The following PLXNB1 variants were observed in gnomAD, a reference collection of about 807,000 sequenced individuals.
PLXNB1 encodes the protein plexin B1, also known as plexin-B1.
PLXNB1 carries 106 observed loss-of-function variants against 209.4 expected under a neutral mutation model. That is an observed-to-expected ratio of 0.51 (90% CI 0.43 to 0.59). The LOEUF (loss-of-function observed/expected upper bound fraction) is 0.59. Among genes scored for constraint, PLXNB1 ranks in the 20% least tolerant of loss-of-function variants. The pLI is 0.00. For synonymous variants in PLXNB1, 1,167 were observed against 1,183.2 expected, an observed-to-expected ratio of 0.99 and a Z score of 0.28; for missense variants, 2,357 against 2,853.2, an observed-to-expected ratio of 0.83 and a Z score of 3.96.
In PLXNB1 at chr3:48,416,312, G is replaced by A. The variant is rs770479072; in HGVS notation, c.3480+34C>T. 54 of 1,574,922 alleles carry A rather than the reference G, an allele frequency of 3.4e-5. No individual in the cohort carries two copies. Among genetic ancestry groups the A allele is most frequent in the Middle Eastern group, 1.7e-4 (1 of 6,000 alleles). ...GAGGAGCCACCAGAGAGGTTGGCCC[G>A]CTGGCAGCTGGGGGTGGCTCAGCAG... On this transcript the variant is annotated intron_variant, in intron 17 of 37. Transcript: ENST00000296440. The surrounding 1 kb of genome is among the most constrained non-coding windows in gnomAD (Gnocchi z 4.1).
chr3:48,411,252 C>G lies in PLXNB1; in HGVS notation c.5248-216G>C, dbSNP rs777782816. 6.6e-6 allele frequency among the ~76,000 whole-genome samples: 1 copy of G among 152,210 alleles called. No homozygotes were observed. The highest frequency in any genetic ancestry group is 6.5e-5 in the Admixed American group (1 of 15,284). On this transcript the variant is annotated intron_variant, in intron 28 of 37. Coordinates refer to ENST00000296440, the MANE Select transcript of PLXNB1 (RefSeq NM_001130082.3). This position sits in a 1 kb window ranked among gnomAD's most constrained non-coding sequence, Gnocchi z 4.0. ...CACCTAGCGCAGTGCACTTGTAAAC[C>G]ACTATGGGGTAAATGGCAGAAAAAA...
chr3:48,413,585 C>A lies in PLXNB1; in HGVS notation c.4535+85G>T. On this transcript the variant is annotated intron_variant, in intron 23 of 37. Transcript: ENST00000296440. This position sits in a 1 kb window ranked among gnomAD's most constrained non-coding sequence, Gnocchi z 5.4. ...CTCTGGCCATTTACAGAGAATGTTT[C>A]CTGACTCCTGGCCCGGTCTGTCCCT... 7.3e-7 allele frequency: 1 copy of A among 1,378,834 alleles called. No homozygotes were observed. The allele number at this position is 1,378,834 out of a possible 1,614,324, so 85.4% of individuals were successfully genotyped here.
Position 48,420,049 on chromosome 3 carries a change from G to A in PLXNB1, c.2237C>T (p.Ser746Phe). 1.2e-6 allele frequency: 2 copies of A among 1,612,362 alleles called. No individual in the cohort carries two copies. The highest frequency in any genetic ancestry group is 8.5e-7 in the Non-Finnish European group (1 of 1,179,068). Residue 746 changes from serine (S) to phenylalanine (F), a missense_variant, in exon 11 of 38, where the codon TCT (serine) becomes TTT (phenylalanine). Transcript: ENST00000296440. ...AGGCGACCCTGTGGAGCCAGGGGAA[G>A]ATATGGAGCCAGAACCTGCCCATGG... ...WGPWAGSGSISSPGSTGSPLH... is the reference protein window; with the variant it reads ...WGPWAGSGSIFSPGSTGSPLH...
chr3:48,410,750 C>T lies in PLXNB1; in HGVS notation c.5416+118G>A, dbSNP rs962395192. On this transcript the variant is annotated intron_variant, in intron 29 of 37. Transcript: ENST00000296440. This position sits in a 1 kb window ranked among gnomAD's most constrained non-coding sequence, Gnocchi z 6.4. ...AAGAAAGATGTTCCAAAGCCAGCTTCTGCCTGCCTCCCAGCATCCTCCCCA... is the reference window on the plus strand; with the variant it reads ...AAGAAAGATGTTCCAAAGCCAGCTTTTGCCTGCCTCCCAGCATCCTCCCCA... 1.1e-5 allele frequency: 12 copies of T among 1,105,382 alleles called. No individual in the cohort carries two copies. In the South Asian group the frequency reaches 1.5e-4, roughly 14 times the overall value. 68.5% of individuals were successfully genotyped at this position (1,105,382 alleles called of 1,614,324 possible). A position where few individuals can be genotyped will look rare whatever the true frequency, so the allele number is the denominator to read the frequency against.
rs2039088927 is a variant in PLXNB1, at chr3:48,429,636, G to A, written c.-60+372C>T. 1.3e-5 allele frequency among the ~76,000 whole-genome samples: 2 copies of A among 151,810 alleles called. No individual in the cohort carries two copies. The highest frequency in any genetic ancestry group is 6.6e-5 in the Admixed American group (1 of 15,252). ...GAGGGCTGGGGACCCGACCCCTCCC[G>A]CACGGGGGAGGGCGGGGGCGGGCTG... On this transcript the variant is annotated intron_variant, in intron 1 of 37. Coordinates refer to ENST00000296440, the MANE Select transcript of PLXNB1 (RefSeq NM_001130082.3). This position sits in a 1 kb window ranked among gnomAD's most constrained non-coding sequence, Gnocchi z 6.4.
rs754817898 is a variant in PLXNB1, at chr3:48,413,190, G to A, written c.4536-21C>T. On this transcript the variant is annotated intron_variant, in intron 23 of 37. Coordinates refer to ENST00000296440, the MANE Select transcript of PLXNB1 (RefSeq NM_001130082.3). The surrounding 1 kb of genome is among the most constrained non-coding windows in gnomAD (Gnocchi z 5.4). The stretch of plus-strand genomic sequence containing the variant: ...TCCTCCTGCTCAGCCCCAGGGTCAG[G>A]AGAGGATGGCCAGATGAGTCCTACT... 1.4e-5 allele frequency: 22 copies of A among 1,591,162 alleles called. No homozygotes were observed. The highest frequency in any genetic ancestry group is 1.9e-5 in the Non-Finnish European group (22 of 1,164,928).
Position 48,422,219 on chromosome 3 carries a change from G to A in PLXNB1, c.1420-14C>T, listed in dbSNP as rs375490837. 54 of 1,613,088 alleles carry A rather than the reference G, an allele frequency of 3.3e-5. No individual in the cohort carries two copies. The African/African-American group carries it at 6.7e-4, about 20-fold the overall frequency. On this transcript the variant is annotated splice_polypyrimidine_tract_variant and intron_variant, in intron 5 of 37. Coordinates refer to ENST00000296440, the MANE Select transcript of PLXNB1 (RefSeq NM_001130082.3). Reference sequence around the variant, plus strand: ...AACCTTCAGAAGCTGAGACAGCAAAGAGGACCTGAGGCCAGCAATCCAAAC... The same window carrying A: ...AACCTTCAGAAGCTGAGACAGCAAAAAGGACCTGAGGCCAGCAATCCAAAC...
Position 48,409,783 on chromosome 3 carries a change from C to A in PLXNB1, c.5779-52G>T. 6.3e-7 allele frequency: 1 copy of A among 1,594,668 alleles called. No homozygotes were observed. Among genetic ancestry groups the A allele is most frequent in the Non-Finnish European group, 8.6e-7 (1 of 1,168,436 alleles). On this transcript the variant is annotated intron_variant, in intron 32 of 37. Transcript: ENST00000296440. The surrounding 1 kb of genome is among the most constrained non-coding windows in gnomAD (Gnocchi z 5.8). ...GTGGTCAGCAAAGGGCCCTCAGCAGCAGCCCAGCCTCAGACACCCCCCGGC... is the reference window on the plus strand; with the variant it reads ...GTGGTCAGCAAAGGGCCCTCAGCAGAAGCCCAGCCTCAGACACCCCCCGGC...
chr3:48,428,115 T>C (rs927619342), intron 1 of PLXNB1, among the ~76,000 whole-genome samples: 20 of 152,136 alleles, frequency 1.3e-4, no homozygotes, highest in Admixed American at 9.8e-4. Flanking sequence ...ATGCTCCCTG[T>C]ATGGTGAACG....
In PLXNB1 at chr3:48,411,761, TACC is replaced by T; in HGVS notation, c.5247+99_5247+101del. 2.2e-6 allele frequency: 3 copies of T among 1,337,172 alleles called. No homozygotes were observed. The highest frequency in any genetic ancestry group is 3.1e-6 in the Non-Finnish European group (3 of 957,012). The allele number at this position is 1,337,172 out of a possible 1,614,324, so 82.8% of individuals were successfully genotyped here. On this transcript the variant is annotated intron_variant, in intron 28 of 37. Transcript: ENST00000296440. The surrounding 1 kb of genome is among the most constrained non-coding windows in gnomAD (Gnocchi z 4.0). ...AGGTCAACCCAGCTCTACATCCAGG[TACC>T]ACATCAGAAGCTGGTGTCCAGACCC... is the stretch of plus-strand genomic sequence containing the variant.
Position 48,411,111 on chromosome 3 carries a change from C to A in PLXNB1, c.5248-75G>T. 16 of 1,360,154 alleles carry A rather than the reference C, an allele frequency of 1.2e-5. No individual in the cohort carries two copies. Among genetic ancestry groups the A allele is most frequent in the Non-Finnish European group, 1.6e-5 (16 of 992,876 alleles). 84.3% of individuals were successfully genotyped at this position (1,360,154 alleles called of 1,614,324 possible). A position where few individuals can be genotyped will look rare whatever the true frequency, so the allele number is the denominator to read the frequency against. ...CCAAGACACAGGCCAAGGGCAGAGA[C>A]AACTCATGAGAAACTGCTGCCTCCA... On this transcript the variant is annotated intron_variant, in intron 28 of 37. Transcript: ENST00000296440. This position sits in a 1 kb window ranked among gnomAD's most constrained non-coding sequence, Gnocchi z 4.0.
rs1560061163 is a variant in PLXNB1 at position 48,417,458 on chromosome 3, C to T, written c.3374+453G>A. ...CCCTAGAGACGACAGTGGAGCCTGGCCCTCGGCCAGTGTGCCTTTCTGAGG... is the reference window on the plus strand; with the variant it reads ...CCCTAGAGACGACAGTGGAGCCTGGTCCTCGGCCAGTGTGCCTTTCTGAGG... On this transcript the variant is annotated intron_variant, in intron 16 of 37. Coordinates refer to ENST00000296440, the MANE Select transcript of PLXNB1 (RefSeq NM_001130082.3). This position sits in a 1 kb window ranked among gnomAD's most constrained non-coding sequence, Gnocchi z 4.4. Among the ~76,000 whole-genome samples, 2 of 152,218 alleles carry T rather than the reference C, an allele frequency of 1.3e-5. No homozygotes were observed. Among genetic ancestry groups the T allele is most frequent in the African/African-American group, 2.4e-5 (1 of 41,450 alleles).
Position 48,412,221 on chromosome 3 carries a change from C to T in PLXNB1, c.5100+17G>A. ...ACCCTCCCTGGACAGGAGCCCTGTC[C>T]ACCTCTGCCCCCTCACCCTCACGAA... On this transcript the variant is annotated intron_variant, in intron 27 of 37. Coordinates refer to ENST00000296440, the MANE Select transcript of PLXNB1 (RefSeq NM_001130082.3). 1 of 1,613,120 alleles carries T rather than the reference C, an allele frequency of 6.2e-7. No individual in the cohort carries two copies. The highest frequency in any genetic ancestry group is 8.5e-7 in the Non-Finnish European group (1 of 1,179,268).
In PLXNB1 at chr3:48,415,636, C is replaced by T. The variant is rs2038036684; in HGVS notation, c.3741G>A (p.Lys1247=). 1.9e-6 allele frequency: 3 copies of T among 1,582,296 alleles called. No homozygotes were observed. The highest frequency in any genetic ancestry group is 2.6e-6 in the Non-Finnish European group (3 of 1,163,988). The change falls in exon 19 of 38, where the codon AAG becomes AAA. Residue 1247 remains lysine, a synonymous_variant. Transcript: ENST00000296440. This position sits in a 1 kb window ranked among gnomAD's most constrained non-coding sequence, Gnocchi z 5.0. ...AGGTGATGTTGGGGTCCAAGGTATA[C>T]TTGAACTGTCCGCGTTGAAGCCTCC... ...TERRLQRGQF[K]YTLDPNITSA...
Position 48,423,641 on chromosome 3 carries a change from A to G in PLXNB1, c.971T>C (p.Phe324Ser). ...GASGASALCAFPLDEVDRLAN... is the reference protein window; with the variant it reads ...GASGASALCASPLDEVDRLAN... ...AAGCCGGTCCACCTCATCCAGGGGG[A>G]AGGCACAGAGGGCAGAGGCTCCAGA... The change falls in exon 3 of 38, where the codon TTC becomes TCC. Residue 324 changes from phenylalanine to serine, a missense_variant. By Grantham distance (155) the Phe-to-Ser change is radical (BLOSUM62 -2). This residue lies in a region of PLXNB1 where 404 missense variants were observed against 443.6 expected (regional missense o/e 0.91). Transcript: ENST00000296440. 1 of 1,614,130 alleles carries G rather than the reference A, an allele frequency of 6.2e-7. No homozygotes were observed. Among genetic ancestry groups the G allele is most frequent in the Non-Finnish European group, 8.5e-7 (1 of 1,180,008 alleles).
Position 48,418,556 on chromosome 3 carries a change from A to G in PLXNB1, c.2956-14T>C. 6.5e-7 allele frequency: 1 copy of G among 1,535,562 alleles called. No individual in the cohort carries two copies. The highest frequency in any genetic ancestry group is 8.8e-7 in the Non-Finnish European group (1 of 1,136,254). On this transcript the variant is annotated splice_polypyrimidine_tract_variant and intron_variant, in intron 13 of 37. Transcript: ENST00000296440. The surrounding 1 kb of genome is among the most constrained non-coding windows in gnomAD (Gnocchi z 6.6). Reference sequence around the variant, plus strand: ...CTCATAGCTGAGCTGGAGAAATGGGAGTGGGTTCAGAGTCAAGCACTGGGG... The same window carrying G: ...CTCATAGCTGAGCTGGAGAAATGGGGGTGGGTTCAGAGTCAAGCACTGGGG...
Position 48,422,213 on chromosome 3 carries a change from AG to A in PLXNB1, c.1420-9del. Reference sequence around the variant, plus strand: ...CACAGGAACCTTCAGAAGCTGAGACAGCAAAGAGGACCTGAGGCCAGCAATC... The same window carrying A: ...CACAGGAACCTTCAGAAGCTGAGACACAAAGAGGACCTGAGGCCAGCAATC... On this transcript the variant is annotated splice_polypyrimidine_tract_variant and intron_variant, in intron 5 of 37. Transcript: ENST00000296440. 6.2e-7 allele frequency: 1 copy of A among 1,613,658 alleles called. No individual in the cohort carries two copies. Among genetic ancestry groups the A allele is most frequent in the Non-Finnish European group, 8.5e-7 (1 of 1,179,578 alleles).
rs776871720 is a variant in PLXNB1, at chr3:48,419,655, C to T, written c.2631G>A (p.Glu877=). The T allele has an allele frequency of 1.2e-6, 2 of 1,612,678 alleles. No homozygotes were observed. The highest frequency in any genetic ancestry group is 1.7e-6 in the Non-Finnish European group (2 of 1,179,980). The part of the protein sequence containing the change: ...TLLSGDGDSA[E]LEGPPAPLIL... ...TGAGGGGGGCGGGAGGGCCCTCAAG[C>T]TCTGCTGAGTCTCCATCACCTGAGA... The change falls in exon 11 of 38, where the codon GAG becomes GAA. Residue 877 remains glutamate (E), a synonymous_variant. Transcript: ENST00000296440. The surrounding 1 kb of genome is among the most constrained non-coding windows in gnomAD (Gnocchi z 5.7).
At chr3:48,423,099 TC>T in intron 3 of PLXNB1, 152 bp from the exon 4 acceptor site, 1 of 662,338 alleles carries the variant, frequency 1.5e-6, no homozygotes, top group Non-Finnish European at 2.6e-6. Flanking sequence ...GACAATCTCA[TC>T]CCCGCCCCCA....
Sources: allele counts gnomAD v4.1 joint callset (sites outside exome capture counted in the v4.1 genomes callset), GRCh38; gene constraint gnomAD v4.1.1; regional missense constraint gnomAD v4.1.1; non-coding constraint Gnocchi (gnomAD v3.1); transcripts MANE v1.5; gene names NCBI Gene and HGNC (gene_info 2026-07-23, HGNC 2026-07-21).